Variants in OLAH observed in about 807,000 individuals in gnomAD.
The protein encoded by OLAH is S-acyl fatty acid synthase thioesterase, medium chain.
Under a neutral mutation model 27.8 loss-of-function variants are expected in OLAH, and 33 were observed. That is an observed-to-expected ratio of 1.19 (90% CI 0.90 to 1.59). The LOEUF (loss-of-function observed/expected upper bound fraction) is 1.59, where lower values mean the gene tolerates loss of function less well. OLAH is among the 40% of genes most tolerant of loss of function. OLAH has a pLI of 0.00. For synonymous variants in OLAH, 120 were observed against 102.9 expected, an observed-to-expected ratio of 1.17 and a Z score of -1.01; for missense variants, 359 against 310.8, an observed-to-expected ratio of 1.16 and a Z score of -1.17.
chr10:15,047,507 C>T (rs1050828708), intron 2 of OLAH, 187 bp downstream of exon 2: 37 of 592,324 alleles, frequency 6.2e-5, no homozygotes, highest in African/African-American at 9.3e-5. Flanking sequence ...CCAGCCTGGC[C>T]GACATGGCAA....
At chr10:15,068,172 T>C (rs1364542993) in intron 6 of OLAH, 1 of 152,210 alleles carries the variant, frequency 6.6e-6, no homozygotes, top group African/African-American at 2.4e-5. Context: ...AGAAATCCCA[T>C]TTGACTCTCT....
chr10:15,068,580 A>T (rs1185492854), intron 6 of OLAH, among the ~76,000 whole-genome samples: 1 of 152,034 alleles, frequency 6.6e-6, no homozygotes, highest in Non-Finnish European at 1.5e-5. Flanking sequence ...TTTTTAGTAG[A>T]GACGGGGTTT....
At chr10:15,039,927 G>C (rs796560219), upstream of OLAH, among the ~76,000 whole-genome samples, 14 of 152,226 alleles carry the variant, frequency 9.2e-5, no homozygotes, top group African/African-American at 3.4e-4. Context: ...GCCATCTTTA[G>C]CTCACTTTGC....
intron 2 of OLAH, 149 bp from the exon 3 acceptor site, chr10:15,049,486 C>A: frequency 2.1e-6 from 1 of 485,208 alleles, no homozygotes; most frequent in African/African-American, 2.0e-5. Context: ...TCTTTTTTGC[C>A]CTTTCTTATT....
At chr10:15,036,364 G>A (rs1335896234) in intron 1 of OLAH, among the ~76,000 whole-genome samples, 7 of 152,244 alleles carry the variant, frequency 4.6e-5, no homozygotes, top group Non-Finnish European at 1.0e-4. Flanking sequence ...TGGGCCTGGT[G>A]GTGAGTGCCT....
chr10:15,032,986 C>T (rs577082967), intron 1 of OLAH, among the ~76,000 whole-genome samples: 24 of 152,216 alleles, frequency 1.6e-4, no homozygotes, highest in Non-Finnish European at 2.5e-4. Flanking sequence ...GATTCTCATG[C>T]CTCAGCATCC....
chr10:15,032,664 A>G (rs1010323980), intron 1 of OLAH, among the ~76,000 whole-genome samples: 3 of 151,374 alleles, frequency 2.0e-5, no homozygotes, highest in African/African-American at 7.3e-5. Flanking sequence ...AGGGAATTCT[A>G]TAACTTGTTT....
chr10:15,034,982 A>G (rs1589232986), intron 1 of OLAH, among the ~76,000 whole-genome samples: 1 of 151,700 alleles, frequency 6.6e-6, no homozygotes, highest in South Asian at 2.1e-4. Flanking sequence ...TTGTATTTTT[A>G]GTAGAGACAG....
chr10:15,070,495 G>C (rs931652992), intron 6 of OLAH, among the ~76,000 whole-genome samples: 3 of 152,016 alleles, frequency 2.0e-5, no homozygotes, highest in Admixed American at 6.6e-5. Context: ...GTTTTGCTTT[G>C]TTCTTTGAGA....
chr10:15,065,469 C>A, intron 5 of OLAH, 115 bp from the exon 6 acceptor site: 1 of 1,048,574 alleles, frequency 9.5e-7, no homozygotes, highest in Non-Finnish European at 1.4e-6. Context: ...ATAGATAAAG[C>A]AGTCTACTTC....
At chr10:15,056,899 C>T in intron 3 of OLAH, 1 of 1,535,670 alleles carries the variant, frequency 6.5e-7, no homozygotes. Context: ...TCAGCCTACC[C>T]ATGTGCTGGC....
chr10:15,055,617 G>T (rs10752349), intron 3 of OLAH, among the ~76,000 whole-genome samples: 103,067 of 151,908 alleles, frequency 0.68, 35,408 homozygotes, highest in East Asian at 0.98. Flanking sequence ...TTATATGAGG[G>T]TTTTAATCAA....
intron 6 of OLAH, among the ~76,000 whole-genome samples, chr10:15,066,985 T>C (rs1844481508): frequency 6.6e-6 from 1 of 152,210 alleles, no homozygotes; most frequent in Non-Finnish European, 1.5e-5. Context: ...TGACTACACA[T>C]GTGTATTTCA....
chr10:15,036,623 G>GACTCCA (rs1843844347), intron 1 of OLAH, among the ~76,000 whole-genome samples: 1 of 152,118 alleles, frequency 6.6e-6, no homozygotes, highest in Non-Finnish European at 1.5e-5. Context: ...CTGAGTAGCT[G>GACTCCA]GGACTACAGG....
chr10:15,060,400 C>T (rs1013719791), intron 3 of OLAH, among the ~76,000 whole-genome samples: 1 of 152,116 alleles, frequency 6.6e-6, no homozygotes. Flanking sequence ...GAACTCCTGA[C>T]TTCAAGTGAT....
chr10:15,055,482 CT>C (rs1229276420), intron 3 of OLAH, among the ~76,000 whole-genome samples: 2 of 152,184 alleles, frequency 1.3e-5, no homozygotes, highest in Non-Finnish European at 2.9e-5. Flanking sequence ...CTTTCCAAGT[CT>C]CGTCCTTTCT....
At chr10:15,038,146 T>C (rs1436355899) in intron 1 of OLAH, among the ~76,000 whole-genome samples, 2 of 152,238 alleles carry the variant, frequency 1.3e-5, no homozygotes, top group South Asian at 2.1e-4. Flanking sequence ...CTGTAGCCCC[T>C]TTGTTTTGGC....
chr10:15,037,580 C>CAAAAAAAAAAAAAAAAAAAA (rs66522152), intron 1 of OLAH, among the ~76,000 whole-genome samples: 1 of 141,208 alleles, frequency 7.1e-6, no homozygotes, highest in Non-Finnish European at 1.5e-5. Context: ...GACTCCGTAT[C>CAAAAAAAAAAAAAAAAAAAA]AAAAAAAAAA....
intron 1 of OLAH, among the ~76,000 whole-genome samples, chr10:15,035,325 G>A (rs906686044): frequency 3.9e-5 from 6 of 152,110 alleles, no homozygotes; most frequent in Non-Finnish European, 7.4e-5. Context: ...ACCTGTGACC[G>A]GGTAATTTAT....
Sources: allele counts gnomAD v4.1 joint callset (sites outside exome capture counted in the v4.1 genomes callset), GRCh38; gene constraint gnomAD v4.1.1; transcripts MANE v1.5; gene names NCBI Gene and HGNC (gene_info 2026-07-23, HGNC 2026-07-21).